Variants in ATRNL1 observed in about 807,000 individuals in gnomAD.
ATRNL1 encodes the protein attractin like 1, also known as attractin-like protein 1.
A neutral mutation model predicts 182.7 loss-of-function variants in ATRNL1; 95 were observed. The ratio of observed to expected loss-of-function variants is 0.52; its 90% CI spans 0.44 to 0.62. The LOEUF (loss-of-function observed/expected upper bound fraction) is 0.62, where lower values mean the gene tolerates loss of function less well. Among genes scored for constraint, ATRNL1 ranks in the 20% least tolerant of loss-of-function variants. ATRNL1 has a pLI of 0.00. For synonymous variants in ATRNL1, 576 were observed against 568.3 expected (o/e 1.01, Z -0.19); for missense variants, 1,471 against 1,679.5 (o/e 0.88, Z 2.17).
intron 26 of ATRNL1, among the ~76,000 whole-genome samples, chr10:115,620,964 C>T (rs1423911457): frequency 4.6e-5 from 7 of 151,622 alleles, no homozygotes; most frequent in African/African-American, 1.7e-4. Context: ...TCCATTTCCC[C>T]TTTTTTTTCA....
At chr10:115,498,470 T>G (rs985671040) in intron 24 of ATRNL1, among the ~76,000 whole-genome samples, 1 of 152,078 alleles carries the variant, frequency 6.6e-6, no homozygotes, top group Admixed American at 6.6e-5. Flanking sequence ...TGCCATTTTT[T>G]TATGTAGTTA....
chr10:115,561,800 A>G (rs1853767646), intron 26 of ATRNL1, among the ~76,000 whole-genome samples: 1 of 151,962 alleles, frequency 6.6e-6, no homozygotes, highest in Non-Finnish European at 1.5e-5. Flanking sequence ...AATCAAACCT[A>G]CAATAAGATA....
At position 115,390,137 on chromosome 10, in the gene ATRNL1, G is replaced by A. The variant is rs368708374; in HGVS notation, c.3176-4522G>A. Among the ~76,000 whole-genome samples, 29 of 152,164 alleles carry A rather than the reference G, an allele frequency of 1.9e-4. No homozygotes were observed. In the South Asian group the frequency reaches 5.8e-3, roughly 31 times the overall value. On this transcript the variant is annotated intron_variant, in intron 19 of 28. Transcript: ENST00000355044. Reference sequence around the variant, plus strand: ...TATGGGTTGTGAATATTTTCTCCCGGTATGTGGATTGTCTCTTTACTCTAT... The same window carrying A: ...TATGGGTTGTGAATATTTTCTCCCGATATGTGGATTGTCTCTTTACTCTAT...
chr10:115,639,547 A>C (rs1057171694), intron 26 of ATRNL1, among the ~76,000 whole-genome samples: 1 of 152,206 alleles, frequency 6.6e-6, no homozygotes, highest in Non-Finnish European at 1.5e-5. Context: ...ATGATATTTA[A>C]AAGTTGAGAA....
At chr10:115,579,211 G>C (rs984627860) in intron 26 of ATRNL1, among the ~76,000 whole-genome samples, 1 of 151,664 alleles carries the variant, frequency 6.6e-6, no homozygotes, top group Non-Finnish European at 1.5e-5. Flanking sequence ...TGTTGATTAG[G>C]TCTAAGGTAC....
intron 26 of ATRNL1, among the ~76,000 whole-genome samples, chr10:115,688,552 C>A (rs2901058): frequency 0.37 from 56,311 of 151,892 alleles, 11,233 homozygotes; most frequent in Admixed American, 0.53. Flanking sequence ...TTGGATTTTC[C>A]TGATGATTAG....
intron 26 of ATRNL1, among the ~76,000 whole-genome samples, chr10:115,609,285 A>G (rs1857031942): frequency 6.6e-6 from 1 of 152,184 alleles, no homozygotes; most frequent in South Asian, 2.1e-4. Context: ...TACACTGAGT[A>G]TTTGTCAGTG....
chr10:115,746,442 A>G (rs1260939121), intron 27 of ATRNL1, among the ~76,000 whole-genome samples: 11 of 152,206 alleles, frequency 7.2e-5, no homozygotes, highest in Middle Eastern at 3.4e-3. Context: ...ATGGGAATAA[A>G]AGCTTATTAA....
intron 27 of ATRNL1, among the ~76,000 whole-genome samples, chr10:115,748,618 T>A (rs2907533): frequency 0.95 from 144,266 of 151,820 alleles, 68,956 homozygotes; most frequent in East Asian, 1. Context: ...CAATTTCTTT[T>A]TAAATACATT....
At chr10:115,824,341 G>T (rs1205678861) in intron 27 of ATRNL1, among the ~76,000 whole-genome samples, 1 of 152,054 alleles carries the variant, frequency 6.6e-6, no homozygotes, top group Non-Finnish European at 1.5e-5. Context: ...GAAAACCTAG[G>T]CAATACCATT....
chr10:115,737,434 T>TAA (rs201707341), intron 27 of ATRNL1, among the ~76,000 whole-genome samples: 5 of 139,420 alleles, frequency 3.6e-5, no homozygotes, highest in African/African-American at 7.9e-5. Context: ...AGACCCTGTC[T>TAA]AAAAAAAAAA....
intron 7 of ATRNL1, among the ~76,000 whole-genome samples, chr10:115,169,772 A>G (rs1554885108): frequency 1.3e-5 from 2 of 152,160 alleles, no homozygotes; most frequent in Non-Finnish European, 1.5e-5. Context: ...ACTCATAAAC[A>G]TGGGATGTCT....
intron 8 of ATRNL1, among the ~76,000 whole-genome samples, chr10:115,186,709 G>T (rs1847955129): frequency 6.6e-6 from 1 of 152,068 alleles, no homozygotes; most frequent in Non-Finnish European, 1.5e-5. Flanking sequence ...TCGTTGGTGG[G>T]GATGTGAGGA....
chr10:115,466,044 A>T (rs782523437), intron 22 of ATRNL1, among the ~76,000 whole-genome samples: 1 of 151,478 alleles, frequency 6.6e-6, no homozygotes, highest in Non-Finnish European at 1.5e-5. Flanking sequence ...TGGCCATCAC[A>T]CATCATCCAG....
chr10:115,480,106 G>A (rs1319138609), intron 24 of ATRNL1, among the ~76,000 whole-genome samples: 2 of 150,806 alleles, frequency 1.3e-5, no homozygotes, highest in African/African-American at 2.4e-5. Flanking sequence ...CATTGGTTAA[G>A]TTATACAGAA....
intron 26 of ATRNL1, among the ~76,000 whole-genome samples, chr10:115,635,637 C>A (rs1261367247): frequency 4.6e-5 from 7 of 152,080 alleles, no homozygotes; most frequent in Admixed American, 2.0e-4. Flanking sequence ...TAGCTACATA[C>A]CCAATAGTAA....
chr10:115,317,691 C>A (rs1554930137), intron 18 of ATRNL1, among the ~76,000 whole-genome samples: 1 of 152,084 alleles, frequency 6.6e-6, no homozygotes, highest in East Asian at 1.9e-4. Flanking sequence ...ATTTGGCTCT[C>A]TCCTTGTGTA....
At chr10:115,430,312 G>A (rs1191795247) in intron 21 of ATRNL1, among the ~76,000 whole-genome samples, 1 of 151,450 alleles carries the variant, frequency 6.6e-6, no homozygotes, top group African/African-American at 2.4e-5. Context: ...TCTTTTCTGT[G>A]GATCTTGTTT....
intron 28 of ATRNL1, among the ~76,000 whole-genome samples, chr10:115,903,432 A>G (rs919078715): frequency 6.6e-6 from 1 of 152,124 alleles, no homozygotes; most frequent in Non-Finnish European, 1.5e-5. Context: ...GGTTAGCACT[A>G]TCTCTGGAAT....
Sources: gnomAD v4.1 joint callset for allele counts (sites outside exome capture counted in the v4.1 genomes callset) on GRCh38, gnomAD v4.1.1 for gene constraint, MANE v1.5 for transcripts, NCBI Gene and HGNC (gene_info 2026-07-23, HGNC 2026-07-21) for gene names.